MAGI2: variants seen among roughly 807,000 people sequenced by gnomAD.
MAGI2 encodes membrane-associated guanylate kinase, WW and PDZ domain-containing protein 2.
MAGI2 carries 35 observed loss-of-function variants against 133.3 expected under a neutral mutation model. That is an observed-to-expected ratio of 0.26 (90% confidence interval 0.20 to 0.35). MAGI2 has a LOEUF of 0.35. MAGI2 is among the 10% of genes least tolerant of loss of function. The pLI, the probability that MAGI2 is intolerant of heterozygous loss-of-function variation, is 1.00. For missense variants in MAGI2, 1,636 were observed against 1,863.4 expected (o/e 0.88, Z 2.25); for synonymous variants, 729 against 710.6 (o/e 1.03, Z -0.41).
At chr7:78,611,181 ACT>A (rs1428825981) in intron 3 of MAGI2, among the ~76,000 whole-genome samples, 1 of 152,134 alleles carries the variant, frequency 6.6e-6, no homozygotes, top group Admixed American at 6.5e-5. Context: ...CTTTAGAACA[ACT>A]CTGACAAGAG....
chr7:78,228,473 G>T (rs562727705), intron 10 of MAGI2, among the ~76,000 whole-genome samples: 5 of 152,274 alleles, frequency 3.3e-5, no homozygotes, highest in East Asian at 1.9e-4. Flanking sequence ...AGTAAGCAAG[G>T]TTCTAACAGG....
chr7:79,272,711 A>G (rs1283230191), intron 1 of MAGI2, among the ~76,000 whole-genome samples: 1 of 3,370 alleles, frequency 3.0e-4, no homozygotes, highest in South Asian at 0.25. Flanking sequence ...TAGGATTTCT[A>G]TAAGTTTAAA....
chr7:79,000,548 T>C (rs1044888071), intron 2 of MAGI2, among the ~76,000 whole-genome samples: 1 of 152,152 alleles, frequency 6.6e-6, no homozygotes, highest in Non-Finnish European at 1.5e-5. Flanking sequence ...CAGTCCTCTG[T>C]GATCATAGTC....
intron 6 of MAGI2, among the ~76,000 whole-genome samples, chr7:78,392,636 A>T (rs1795997100): frequency 6.6e-6 from 1 of 152,000 alleles, no homozygotes; most frequent in Non-Finnish European, 1.5e-5. Context: ...TTGTATTCTT[A>T]TTTTTTTATT....
chr7:79,167,397 CAAAAAAAA>C (rs10542271), intron 1 of MAGI2, among the ~76,000 whole-genome samples: 3,697 of 84,824 alleles, frequency 0.044, 156 homozygotes, highest in East Asian at 0.23. Flanking sequence ...CCAAAAATGG[CAAAAAAAA>C]AAAAAAAAAA....
intron 4 of MAGI2, among the ~76,000 whole-genome samples, chr7:78,515,725 C>G (rs1195027359): frequency 1.3e-5 from 2 of 152,046 alleles, no homozygotes; most frequent in African/African-American, 4.8e-5. Context: ...AATGGAGAAA[C>G]CCCATCTCTA....
At chr7:78,814,615 T>C (rs929912193) in intron 2 of MAGI2, among the ~76,000 whole-genome samples, 1 of 150,020 alleles carries the variant, frequency 6.7e-6, no homozygotes, top group African/African-American at 2.5e-5. Flanking sequence ...TTTATGTCTT[T>C]GTGTGTGTGT....
chr7:78,756,118 A>G (rs1435054380), intron 2 of MAGI2, among the ~76,000 whole-genome samples: 1 of 135,772 alleles, frequency 7.4e-6, no homozygotes, highest in Non-Finnish European at 1.7e-5. Flanking sequence ...CAAACAAGAT[A>G]TATATCAGGT....
chr7:78,541,505 T>C (rs1324979287), intron 3 of MAGI2, among the ~76,000 whole-genome samples: 1 of 152,186 alleles, frequency 6.6e-6, no homozygotes, highest in African/African-American at 2.4e-5. Context: ...TCACATCCTG[T>C]AAAGAAAGAT....
At chr7:78,160,413 A>T in intron 15 of MAGI2, 140 bp from the exon 16 acceptor site, 1 of 957,586 alleles carries the variant, frequency 1.0e-6, no homozygotes, top group Non-Finnish European at 1.4e-6. Flanking sequence ...AGATTTGCAG[A>T]GCATTTGAAA....
intron 1 of MAGI2, among the ~76,000 whole-genome samples, chr7:79,052,453 C>T (rs1206259420): frequency 2.6e-5 from 4 of 152,194 alleles, no homozygotes; most frequent in Non-Finnish European, 1.5e-5. Context: ...GTCGCACACC[C>T]ATGAGGCTGT....
chr7:78,055,934 CT>C (rs1257209472), intron 21 of MAGI2, among the ~76,000 whole-genome samples: 1 of 152,102 alleles, frequency 6.6e-6, no homozygotes, highest in East Asian at 1.9e-4. Context: ...GTGGCAGTGT[CT>C]TTTTTTTAAT....
chr7:78,020,592 A>G (rs1307844346), intron 21 of MAGI2, among the ~76,000 whole-genome samples: 1 of 152,104 alleles, frequency 6.6e-6, no homozygotes, highest in Non-Finnish European at 1.5e-5. Flanking sequence ...AGGTCCATGC[A>G]TAAATCTCAT....
At chr7:78,085,662 A>G (rs1583832198) in intron 20 of MAGI2, among the ~76,000 whole-genome samples, 1 of 151,884 alleles carries the variant, frequency 6.6e-6, no homozygotes, top group African/African-American at 2.4e-5. Context: ...AATGACCCTT[A>G]TGGATGCACA....
At chr7:78,296,247 A>G (rs1226049338) in intron 9 of MAGI2, among the ~76,000 whole-genome samples, 2 of 152,176 alleles carry the variant, frequency 1.3e-5, no homozygotes, top group East Asian at 1.9e-4. Flanking sequence ...ACTGTGTTCT[A>G]TGAGGTCCTA....
Position 79,009,240 on chromosome 7 carries a change from A to T in MAGI2, c.302-2034T>A, listed in dbSNP as rs893030335. On this transcript the variant is annotated intron_variant, in intron 1 of 21. Transcript: ENST00000354212. ...TTAAACCTTTTTTTTTCTTTACTAC[A>T]GATATACTGAATTACATTTCTTGAA... is the stretch of plus-strand genomic sequence containing the variant. 2.6e-5 allele frequency: 4 copies of T among 152,208 alleles called. No homozygotes were observed. In the East Asian group the frequency reaches 7.7e-4, roughly 29 times the overall value. 9.4% of individuals were successfully genotyped at this position (152,208 alleles called of 1,614,324 possible).
chr7:78,384,167 C>T (rs772483807), intron 6 of MAGI2, among the ~76,000 whole-genome samples: 1 of 151,964 alleles, frequency 6.6e-6, no homozygotes, highest in African/African-American at 2.4e-5. Context: ...TGCCCTGAAT[C>T]TGTAGATTGG....
chr7:79,178,551 A>C (rs1346275009), intron 1 of MAGI2, among the ~76,000 whole-genome samples: 1 of 151,836 alleles, frequency 6.6e-6, no homozygotes, highest in Non-Finnish European at 1.5e-5. Flanking sequence ...GCCTCTACTG[A>C]AAATACAAAA....
At chr7:78,898,199 T>C (rs929972647) in intron 2 of MAGI2, among the ~76,000 whole-genome samples, 1 of 146,256 alleles carries the variant, frequency 6.8e-6, no homozygotes, top group Non-Finnish European at 1.5e-5. Context: ...GCTGGTGAGG[T>C]GGCAGGAGAA....
Sources: allele counts gnomAD v4.1 joint callset (sites outside exome capture counted in the v4.1 genomes callset), GRCh38; gene constraint gnomAD v4.1.1; transcripts MANE v1.5; gene names NCBI Gene and HGNC (gene_info 2026-07-23, HGNC 2026-07-21).